The following SYBU variants were observed in gnomAD, a reference collection of about 807,000 sequenced individuals.
The protein encoded by SYBU is syntabulin.
In SYBU, 21 loss-of-function variants were observed where a neutral mutation model predicts 35.9. The ratio of observed to expected loss-of-function variants is 0.58; its 90% CI spans 0.41 to 0.84. SYBU has a LOEUF of 0.84. SYBU is among the 40% of genes least tolerant of loss of function. The pLI, the probability that SYBU is intolerant of heterozygous loss-of-function variation, is 0.00. For synonymous variants in SYBU, 319 were observed against 324.3 expected (o/e 0.98, Z 0.18); for missense variants, 768 against 848.2 (o/e 0.91, Z 1.17).
intron 4 of SYBU, among the ~76,000 whole-genome samples, chr8:109,585,472 A>G (rs1183390608): frequency 6.6e-6 from 1 of 152,214 alleles, no homozygotes. Context: ...CACAGCCTGG[A>G]GTTGGTGGTG....
chr8:109,583,003 G>C (rs866893016), intron 4 of SYBU, among the ~76,000 whole-genome samples: 3 of 152,180 alleles, frequency 2.0e-5, no homozygotes, highest in African/African-American at 2.4e-5. Flanking sequence ...CATTTCTGTT[G>C]TTTAGGCCAT....
chr8:109,651,708 T>C (rs997656093), intron 1 of SYBU, among the ~76,000 whole-genome samples: 7 of 152,180 alleles, frequency 4.6e-5, no homozygotes, highest in Non-Finnish European at 7.3e-5. Flanking sequence ...CTAGCATTTA[T>C]ATCTGGCACA....
chr8:109,691,245 A>T lies in SYBU; in HGVS notation c.-58+88T>A. On this transcript the variant is annotated intron_variant, in intron 1 of 7. Coordinates refer to the SYBU transcript ENST00000422135. The surrounding 1 kb of genome is among the most constrained non-coding windows in gnomAD (Gnocchi z 4.7). Reference sequence around the variant, plus strand: ...GTCCTGGGGTCCGGAGCGCCCCATCACTGCCCTCATTGTACCGAAGACCAT... The same window carrying T: ...GTCCTGGGGTCCGGAGCGCCCCATCTCTGCCCTCATTGTACCGAAGACCAT... 1 of 689,324 alleles carries T rather than the reference A, an allele frequency of 1.5e-6. No homozygotes were observed. Among genetic ancestry groups the T allele is most frequent in the Non-Finnish European group, 2.6e-6 (1 of 378,792 alleles). 42.7% of individuals were successfully genotyped at this position (689,324 alleles called of 1,614,324 possible). A position where few individuals can be genotyped will look rare whatever the true frequency, so the allele number is the denominator to read the frequency against.
intron 1 of SYBU, among the ~76,000 whole-genome samples, chr8:109,659,009 G>A (rs1468322640): frequency 6.6e-6 from 1 of 151,942 alleles, no homozygotes; most frequent in East Asian, 1.9e-4. Flanking sequence ...GCATTCACCT[G>A]CTTGGCCTCT....
chr8:109,621,642 C>T (rs568367408), intron 2 of SYBU, among the ~76,000 whole-genome samples: 3 of 152,160 alleles, frequency 2.0e-5, no homozygotes, highest in Admixed American at 6.5e-5. Context: ...TACCCAGGCC[C>T]CACCCTGGTG....
At chr8:109,626,361 T>G in intron 2 of SYBU, among the ~76,000 whole-genome samples, 1 of 152,342 alleles carries the variant, frequency 6.6e-6, no homozygotes, top group Non-Finnish European at 1.5e-5. Context: ...TAGTTTCACT[T>G]TCATTTAAAT....
chr8:109,673,472 G>A (rs1040494792), intron 1 of SYBU, among the ~76,000 whole-genome samples: 2 of 152,096 alleles, frequency 1.3e-5, no homozygotes, highest in Non-Finnish European at 2.9e-5. Context: ...CTAACAAGCA[G>A]AAAGAAATAG....
At chr8:109,679,532 C>G (rs952885125) in intron 1 of SYBU, among the ~76,000 whole-genome samples, 1 of 152,162 alleles carries the variant, frequency 6.6e-6, no homozygotes, top group African/African-American at 2.4e-5. Flanking sequence ...AAACATTGCT[C>G]TTAGTTTGTC....
intron 1 of SYBU, chr8:109,644,300 C>T: frequency 1.9e-6 from 1 of 539,032 alleles, no homozygotes; most frequent in Non-Finnish European, 3.5e-6. Context: ...CGGGAGTCCT[C>T]TTTTCCCAGT....
chr8:109,629,760 A>G (rs1023487998), intron 2 of SYBU, among the ~76,000 whole-genome samples: 1 of 152,038 alleles, frequency 6.6e-6, no homozygotes, highest in Non-Finnish European at 1.5e-5. Context: ...CAGTCCCACC[A>G]ACAGTGTAAA....
intron 3 of SYBU, among the ~76,000 whole-genome samples, chr8:109,610,619 G>T (rs1177871933): frequency 1.3e-5 from 2 of 152,222 alleles, no homozygotes; most frequent in African/African-American, 2.4e-5. Flanking sequence ...AGGCTTAGGT[G>T]GTGGAAGAAA....
intron 1 of SYBU, among the ~76,000 whole-genome samples, chr8:109,650,837 T>G (rs1816101711): frequency 6.6e-6 from 1 of 152,214 alleles, no homozygotes; most frequent in African/African-American, 2.4e-5. Flanking sequence ...AAAAGGATAC[T>G]AAACCATGTT....
chr8:109,576,753 T>A (rs1196170920), intron 6 of SYBU, among the ~76,000 whole-genome samples: 1 of 152,220 alleles, frequency 6.6e-6, no homozygotes, highest in African/African-American at 2.4e-5. Context: ...TTTCAAGATC[T>A]TTGTATATAA....
chr8:109,650,185 A>G (rs1816064565), intron 1 of SYBU, among the ~76,000 whole-genome samples: 1 of 152,174 alleles, frequency 6.6e-6, no homozygotes, highest in Non-Finnish European at 1.5e-5. Flanking sequence ...CTCAGCATCC[A>G]TAGCAGTCTA....
At chr8:109,688,613 G>T (rs1157820487) in intron 1 of SYBU, among the ~76,000 whole-genome samples, 1 of 151,910 alleles carries the variant, frequency 6.6e-6, no homozygotes, top group Admixed American at 6.6e-5. Context: ...CTTTCAGTGA[G>T]GTATCTTTAT....
At chr8:109,606,378 A>G (rs1826069706) in intron 3 of SYBU, among the ~76,000 whole-genome samples, 1 of 152,184 alleles carries the variant, frequency 6.6e-6, no homozygotes, top group African/African-American at 2.4e-5. Context: ...AAGCAGCCTT[A>G]TGTGAGGGGT....
At chr8:109,598,664 A>G (rs1310986984) in intron 3 of SYBU, among the ~76,000 whole-genome samples, 1 of 152,218 alleles carries the variant, frequency 6.6e-6, no homozygotes, top group African/African-American at 2.4e-5. Flanking sequence ...TAATTCTTCC[A>G]TATGGGCACT....
chr8:109,606,704 T>G (rs1490482554), intron 3 of SYBU, among the ~76,000 whole-genome samples: 1 of 152,192 alleles, frequency 6.6e-6, no homozygotes, highest in Non-Finnish European at 1.5e-5. Context: ...TCACCTAAAG[T>G]TTGACCCCAG....
At chr8:109,615,545 G>A (rs567070131) in intron 3 of SYBU, among the ~76,000 whole-genome samples, 18 of 152,110 alleles carry the variant, frequency 1.2e-4, no homozygotes, top group African/African-American at 3.4e-4. Context: ...GAATTAGGTC[G>A]CACTCAAAAA....
Sources: gnomAD v4.1 joint callset for allele counts (sites outside exome capture counted in the v4.1 genomes callset) on GRCh38, gnomAD v4.1.1 for gene constraint, Gnocchi (gnomAD v3.1) non-coding constraint, MANE v1.5 for transcripts, NCBI Gene and HGNC (gene_info 2026-07-23, HGNC 2026-07-21) for gene names.